The following ASCC3 variants were observed in gnomAD, a reference collection of about 807,000 sequenced individuals.
ASCC3 encodes the protein activating signal cointegrator 1 complex subunit 3, also known as ASC-1 complex subunit P200.
In ASCC3, 158 loss-of-function variants were observed where a neutral mutation model predicts 256.3. That is an observed-to-expected ratio of 0.62 (90% CI 0.54 to 0.70). The LOEUF (loss-of-function observed/expected upper bound fraction) is 0.70. Ranked by LOEUF, ASCC3 falls within the 30% of genes least tolerant of loss-of-function variation. ASCC3 has a pLI of 0.00. For synonymous variants in ASCC3, 948 were observed against 883.4 expected (o/e 1.07, Z -1.30); for missense variants, 2,259 against 2,626.0 (o/e 0.86, Z 3.05).
At chr6:100,629,243 C>T (rs548664408) in intron 26 of ASCC3, 62 bp from the exon 27 acceptor site, 13 of 1,457,378 alleles carry the variant, frequency 8.9e-6, no homozygotes, top group African/African-American at 7.0e-5. Context: ...CTTGGAAATG[C>T]AAAAACCTAT....
intron 8 of ASCC3, among the ~76,000 whole-genome samples, chr6:100,792,841 T>G (rs1197422699): frequency 1.3e-5 from 2 of 151,884 alleles, no homozygotes; most frequent in African/African-American, 4.8e-5. Flanking sequence ...AACTTTAACT[T>G]GAGTTGCATG....
In ASCC3 at chr6:100,874,464, C is replaced by CAAAAAAAAAAAAAAAAAAAAAAAAAAAA. The variant is rs530326162; in HGVS notation, c.-41-6427_-41-6426insTTTTTTTTTTTTTTTTTTTTTTTTTTTT. On this transcript the variant is annotated intron_variant, in intron 1 of 41. Transcript: ENST00000369162. ...CTGGCAACAGAGCAAGACTCTGTCTCAAAAAAAAAAAAAAAAAAAAAACAA... is the reference window on the plus strand; with the variant it reads ...CTGGCAACAGAGCAAGACTCTGTCTCAAAAAAAAAAAAAAAAAAAAAAAAAAAAAAAAAAAAAAAAAAAAAAAAAACAA... 3.9e-5 allele frequency among the ~76,000 whole-genome samples: 3 copies of CAAAAAAAAAAAAAAAAAAAAAAAAAAAA among 77,622 alleles called. 1 individual carries two copies. The highest frequency in any genetic ancestry group is 6.8e-5 in the Non-Finnish European group (3 of 43,964). 50.9% of individuals were successfully genotyped at this position (77,622 alleles called of 152,430 possible). A position where few individuals can be genotyped will look rare whatever the true frequency, so the allele number is the denominator to read the frequency against.
At chr6:100,578,953 A>C (rs1771034853) in intron 36 of ASCC3, among the ~76,000 whole-genome samples, 1 of 152,114 alleles carries the variant, frequency 6.6e-6, no homozygotes. Flanking sequence ...AGCAGTGTAT[A>C]AATGATGCCT....
intron 10 of ASCC3, among the ~76,000 whole-genome samples, chr6:100,739,257 A>G (rs1419414579): frequency 1.3e-5 from 2 of 152,186 alleles, no homozygotes; most frequent in Non-Finnish European, 2.9e-5. Flanking sequence ...TCACTTGCAT[A>G]TGTTGAACCA....
intron 36 of ASCC3, among the ~76,000 whole-genome samples, chr6:100,583,023 A>G (rs1308847353): frequency 6.6e-6 from 1 of 152,200 alleles, no homozygotes; most frequent in African/African-American, 2.4e-5. Flanking sequence ...ATCAATGTTC[A>G]TCAAGGATAT....
intron 4 of ASCC3, among the ~76,000 whole-genome samples, chr6:100,830,813 T>C (rs1046171318): frequency 6.6e-6 from 1 of 152,218 alleles, no homozygotes; most frequent in Admixed American, 6.5e-5. Context: ...AACTAAGTTA[T>C]GGGAACCTAT....
intron 8 of ASCC3, among the ~76,000 whole-genome samples, chr6:100,786,813 G>A (rs966674737): frequency 2.0e-5 from 3 of 152,236 alleles, no homozygotes; most frequent in East Asian, 1.9e-4. Flanking sequence ...CCGCACTTCA[G>A]ATGATATACC....
chr6:100,596,329 T>C (rs905747704), intron 34 of ASCC3, among the ~76,000 whole-genome samples: 2 of 152,192 alleles, frequency 1.3e-5, no homozygotes, highest in African/African-American at 4.8e-5. Context: ...AAAGATACAA[T>C]GGATACAAAT....
chr6:100,807,438 C>A (rs1336645674), intron 4 of ASCC3, among the ~76,000 whole-genome samples: 1 of 151,720 alleles, frequency 6.6e-6, no homozygotes, highest in Non-Finnish European at 1.5e-5. Context: ...TATCCATCAA[C>A]AAAGTATGAC....
chr6:100,798,560 A>T (rs1406365773), intron 8 of ASCC3, among the ~76,000 whole-genome samples, 153 bp downstream of exon 8: 2 of 152,106 alleles, frequency 1.3e-5, no homozygotes, highest in African/African-American at 4.8e-5. Context: ...ATATTTTTTA[A>T]ACTCTCCTAC....
chr6:100,736,559 A>T (rs997053102), intron 10 of ASCC3, among the ~76,000 whole-genome samples: 7 of 152,152 alleles, frequency 4.6e-5, no homozygotes, highest in African/African-American at 1.4e-4. Context: ...TGACTTAGAG[A>T]AATGTTCTCC....
At chr6:100,577,766 A>T (rs1770952581) in intron 36 of ASCC3, among the ~76,000 whole-genome samples, 1 of 151,806 alleles carries the variant, frequency 6.6e-6, no homozygotes, top group African/African-American at 2.4e-5. Flanking sequence ...ACACTCTCTC[A>T]CACATACACA....
At chr6:100,639,025 T>A (rs2114884410) in intron 24 of ASCC3, among the ~76,000 whole-genome samples, 1 of 152,350 alleles carries the variant, frequency 6.6e-6, no homozygotes, top group South Asian at 2.1e-4. Context: ...ACATACTGGA[T>A]GCTTTTCTGG....
chr6:100,849,214 A>G (rs894282349), intron 3 of ASCC3, among the ~76,000 whole-genome samples: 2 of 152,208 alleles, frequency 1.3e-5, no homozygotes, highest in Non-Finnish European at 2.9e-5. Flanking sequence ...AGGTAAATAA[A>G]TCATTATCAG....
intron 10 of ASCC3, among the ~76,000 whole-genome samples, chr6:100,766,178 A>T (rs1259476801): frequency 4.6e-5 from 7 of 152,166 alleles, no homozygotes; most frequent in Admixed American, 4.6e-4. Context: ...AGCTTATTAT[A>T]TGTTAAGCCA....
At chr6:100,774,388 T>A (rs1782084773) in intron 8 of ASCC3, among the ~76,000 whole-genome samples, 1 of 151,948 alleles carries the variant, frequency 6.6e-6, no homozygotes, top group Non-Finnish European at 1.5e-5. Context: ...TTTTCGGAGA[T>A]GCACTCTCAC....
intron 8 of ASCC3, among the ~76,000 whole-genome samples, chr6:100,791,756 G>A (rs1769359002): frequency 6.6e-6 from 1 of 151,834 alleles, no homozygotes; most frequent in Non-Finnish European, 1.5e-5. Flanking sequence ...TGGCCTCTTT[G>A]ACAAAATCAT....
intron 14 of ASCC3, among the ~76,000 whole-genome samples, chr6:100,674,821 C>CG (rs1554212242): frequency 4.6e-5 from 7 of 151,874 alleles, no homozygotes; most frequent in Non-Finnish European, 7.4e-5. Context: ...TTAGTAGAGA[C>CG]GGGGTTTCAC....
intron 37 of ASCC3, among the ~76,000 whole-genome samples, chr6:100,527,895 G>A (rs1200043815): frequency 6.6e-6 from 1 of 150,624 alleles, no homozygotes; most frequent in East Asian, 2.0e-4. Flanking sequence ...CTGGAGTGCT[G>A]CAGCATGAAT....
Sources: allele counts gnomAD v4.1 joint callset (sites outside exome capture counted in the v4.1 genomes callset), GRCh38; gene constraint gnomAD v4.1.1; transcripts MANE v1.5; gene names NCBI Gene and HGNC (gene_info 2026-07-23, HGNC 2026-07-21).